CRISP1: variants seen among roughly 807,000 people sequenced by gnomAD.
CRISP1 encodes the protein cysteine-rich secretory protein 1.
A neutral mutation model predicts 33.1 loss-of-function variants in CRISP1; 44 were observed. The ratio of observed to expected loss-of-function variants is 1.33; its 90% CI spans 1.05 to 1.71. The LOEUF is 1.71. CRISP1 is among the 40% of genes most tolerant of loss of function. The pLI is 0.00. For synonymous variants in CRISP1, 103 were observed against 98.7 expected (o/e 1.04, Z -0.26); for missense variants, 390 against 301.2 (o/e 1.29, Z -2.18).
At chr6:49,862,857 TG>T (rs1017177204) in intron 1 of CRISP1, among the ~76,000 whole-genome samples, 1 of 152,008 alleles carries the variant, frequency 6.6e-6, no homozygotes, top group Non-Finnish European at 1.5e-5. Flanking sequence ...CATTTTTTTT[TG>T]CTTGAGGTCT....
rs1275235295 is a variant in CRISP1, at chr6:49,846,529, G to T, written c.426C>A (p.His142Gln). The T allele has an allele frequency of 6.2e-7, 1 of 1,612,644 alleles. No individual in the cohort carries two copies. The highest frequency in any genetic ancestry group is 2.2e-5 in the East Asian group (1 of 44,818). Reference sequence around the variant, plus strand: ...CCAGCACACAGGTTACCTGAGTGTAGTGGTCAGTAGTTATGTCATCATCCG... The same window carrying T: ...CCAGCACACAGGTTACCTGAGTGTATTGGTCAGTAGTTATGTCATCATCCG... ...TTTDDDITTD[H>Q]YTQIVWATSY... The change falls in exon 5 of 8, where the codon CAC (histidine) becomes CAA (glutamine). Residue 142 changes from histidine (H) to glutamine (Q), a missense_variant. His to Gln is a conservative substitution (Grantham distance 24, BLOSUM62 0). Transcript: ENST00000335847.
intron 3 of CRISP1, among the ~76,000 whole-genome samples, chr6:49,850,140 T>C (rs1771306512): frequency 1.3e-5 from 2 of 150,684 alleles, no homozygotes; most frequent in Non-Finnish European, 3.0e-5. Context: ...AAGATATACC[T>C]AATGCTAAAT....
upstream of CRISP1, among the ~76,000 whole-genome samples, chr6:49,870,956 C>G (rs1771908537): frequency 1.3e-5 from 2 of 151,984 alleles, no homozygotes; most frequent in Admixed American, 6.6e-5. Flanking sequence ...CAAAAATTAG[C>G]TGGATGTGGT....
chr6:49,851,899 G>A, intron 3 of CRISP1, 102 bp downstream of exon 3: 1 of 1,343,282 alleles, frequency 7.4e-7, no homozygotes, highest in South Asian at 1.5e-5. Flanking sequence ...TTGTTGTGAA[G>A]ATAAAACTTT....
At chr6:49,851,914 A>C (rs1461669225) in intron 3 of CRISP1, 87 bp downstream of exon 3, 22 of 1,440,016 alleles carry the variant, frequency 1.5e-5, no homozygotes, top group Non-Finnish European at 9.3e-7. Flanking sequence ...AACTTTTAGC[A>C]CTTTGAAAGT....
chr6:49,857,081 A>G lies in CRISP1; in HGVS notation c.66+254T>C, dbSNP rs371226413. ...TATGGACCCACAGAGCTAACTGATTAAGTATAATTTCAGGCCCTGCCATGT... is the reference window on the plus strand; with the variant it reads ...TATGGACCCACAGAGCTAACTGATTGAGTATAATTTCAGGCCCTGCCATGT... On this transcript the variant is annotated intron_variant, in intron 2 of 7. Coordinates refer to ENST00000335847, the MANE Select transcript of CRISP1 (RefSeq NM_001131.3). Among the ~76,000 whole-genome samples, 13 of 152,282 alleles carry G rather than the reference A, an allele frequency of 8.5e-5. No homozygotes were observed. In the South Asian group the frequency reaches 2.7e-3, roughly 32 times the overall value.
Position 49,862,663 on chromosome 6 carries a change from A to G in CRISP1, c.-3+3766T>C, listed in dbSNP as rs547907493. Among the ~76,000 whole-genome samples the G allele has an allele frequency of 1.5e-4, 23 of 152,196 alleles. 2 individuals carry two copies. The South Asian group carries it at 2.7e-3, about 18-fold the overall frequency. On this transcript the variant is annotated intron_variant, in intron 1 of 7. Transcript: ENST00000335847. ...GTTACTTTGCATGTTGGCATATCCA[A>G]TGAATTCTGGTTGATCAAAGTTTAG...
At chr6:49,848,156 T>C in intron 4 of CRISP1, 53 bp downstream of exon 4, 5 of 1,008,310 alleles carry the variant, frequency 5.0e-6, no homozygotes, top group Non-Finnish European at 7.4e-6. Context: ...ATCCCTGTTT[T>C]ACTATTTTTT....
At position 49,851,993 on chromosome 6, in the gene CRISP1, G is replaced by T. The variant is rs373547128; in HGVS notation, c.195+8C>A. ...GCAATCATGGTTGTTGCTATTTTTTGATCTTACCATCTTCAGCATGTTGCT... is the reference window on the plus strand; with the variant it reads ...GCAATCATGGTTGTTGCTATTTTTTTATCTTACCATCTTCAGCATGTTGCT... On this transcript the variant is annotated splice_region_variant and intron_variant, in intron 3 of 7. Transcript: ENST00000335847. 12 of 1,597,992 alleles carry T rather than the reference G, an allele frequency of 7.5e-6. No individual in the cohort carries two copies. Among genetic ancestry groups the T allele is most frequent in the South Asian group, 5.7e-5 (5 of 87,256 alleles).
chr6:49,842,567 T>C (rs1771029003), intron 5 of CRISP1, among the ~76,000 whole-genome samples: 2 of 152,140 alleles, frequency 1.3e-5, no homozygotes, highest in East Asian at 3.9e-4. Context: ...TCGGAAAATG[T>C]CTGGAAAAGC....
upstream of CRISP1, chr6:49,866,576 G>A (rs1185180446): frequency 6.6e-6 from 1 of 151,958 alleles, no homozygotes; most frequent in Non-Finnish European, 1.5e-5. Flanking sequence ...ACAGATCAAG[G>A]GATTTACGGT....
chr6:49,867,335 T>C (rs186090168), upstream of CRISP1, among the ~76,000 whole-genome samples: 12 of 152,234 alleles, frequency 7.9e-5, no homozygotes, highest in African/African-American at 2.2e-4. Context: ...TGTTTGTATA[T>C]GTGAGTGCAT....
upstream of CRISP1, among the ~76,000 whole-genome samples, chr6:49,870,692 ACT>A (rs778449133): frequency 1.3e-5 from 2 of 152,096 alleles, no homozygotes; most frequent in Non-Finnish European, 2.9e-5. Context: ...GAGTTGTTTA[ACT>A]CTGTATATAT....
At chr6:49,841,886 A>G (rs1477964277) in intron 5 of CRISP1, among the ~76,000 whole-genome samples, 2 of 152,148 alleles carry the variant, frequency 1.3e-5, no homozygotes, top group Non-Finnish European at 1.5e-5. Context: ...TCATAAGTGA[A>G]TGGTAGGATT....
chr6:49,870,248 T>C (rs1237822610), upstream of CRISP1, among the ~76,000 whole-genome samples: 6 of 152,176 alleles, frequency 3.9e-5, no homozygotes, highest in African/African-American at 1.4e-4. Context: ...TTGGAATTTG[T>C]GTCAGCTAGG....
intron 5 of CRISP1, among the ~76,000 whole-genome samples, chr6:49,841,476 T>C (rs556960617): frequency 6.6e-6 from 1 of 152,244 alleles, no homozygotes; most frequent in East Asian, 1.9e-4. Context: ...TACATGACTG[T>C]GCATGGGATT....
chr6:49,846,601 G>T lies in CRISP1; in HGVS notation c.354C>A (p.Val118=). 6.2e-7 allele frequency: 1 copy of T among 1,613,572 alleles called. No individual in the cohort carries two copies. Among genetic ancestry groups the T allele is most frequent in the Non-Finnish European group, 8.5e-7 (1 of 1,179,666 alleles). ...YPVSWSSVIG[V]WYSESTSFKH... ...TGAAACTTGTAGACTCACTGTACCA[G>T]ACTCCAATTACACTTGACCATGATA... The change falls in exon 5 of 8, where the codon GTC becomes GTA. Residue 118 remains valine, a synonymous_variant. Coordinates refer to ENST00000335847, the MANE Select transcript of CRISP1 (RefSeq NM_001131.3).
intron 1 of CRISP1, among the ~76,000 whole-genome samples, chr6:49,875,379 C>G (rs774997084): frequency 1.3e-5 from 2 of 151,694 alleles, no homozygotes; most frequent in Non-Finnish European, 3.0e-5. Context: ...CTACAAACTA[C>G]TGCTCAAACA....
chr6:49,836,477 A>C (rs954062795), intron 7 of CRISP1, among the ~76,000 whole-genome samples: 44 of 151,258 alleles, frequency 2.9e-4, no homozygotes, highest in African/African-American at 9.9e-4. Context: ...CTGGGACTAC[A>C]GGCGCCCGCC....
Sources: gnomAD v4.1 joint callset for allele counts (sites outside exome capture counted in the v4.1 genomes callset) on GRCh38, gnomAD v4.1.1 for gene constraint, MANE v1.5 for transcripts, NCBI Gene and HGNC (gene_info 2026-07-23, HGNC 2026-07-21) for gene names.